The following FBXL20 variants were observed in gnomAD, a reference collection of about 807,000 sequenced individuals.
The protein encoded by FBXL20 is F-box and leucine rich repeat protein 20, also known as F-box/LRR-repeat protein 20.
In FBXL20, 11 loss-of-function variants were observed where a neutral mutation model predicts 64.0. The ratio of observed to expected loss-of-function variants is 0.17; its 90% CI spans 0.11 to 0.28. FBXL20 has a LOEUF of 0.28. Ranked by LOEUF, FBXL20 falls within the 10% of genes least tolerant of loss-of-function variation. FBXL20 has a pLI of 1.00. For missense variants in FBXL20, 303 were observed against 526.2 expected, an observed-to-expected ratio of 0.58 and a Z score of 4.15; for synonymous variants, 184 against 189.0, an observed-to-expected ratio of 0.97 and a Z score of 0.22.
intron 1 of FBXL20, among the ~76,000 whole-genome samples, chr17:39,349,792 C>T (rs1033686401): frequency 6.6e-6 from 1 of 151,896 alleles, no homozygotes; most frequent in Non-Finnish European, 1.5e-5. Flanking sequence ...AAAAATTAGC[C>T]GGGCATGGTG....
At chr17:39,289,933 A>G (rs1401352158) in intron 6 of FBXL20, among the ~76,000 whole-genome samples, 1 of 129,710 alleles carries the variant, frequency 7.7e-6, no homozygotes, top group East Asian at 2.7e-4. Flanking sequence ...TGGGAGGCAG[A>G]GGTTGCAGTT....
rs973580442 is a variant in FBXL20 at position 39,308,717 on chromosome 17, C to G, written c.105-5078G>C. The stretch of plus-strand genomic sequence containing the variant: ...GTAGCTGGCACTACAGGCGCCGAAC[C>G]ACCACGCCCGGCTAATTTTTTGTAT... On this transcript the variant is annotated intron_variant, in intron 2 of 14. Transcript: ENST00000264658. 2.0e-5 allele frequency among the ~76,000 whole-genome samples: 3 copies of G among 151,760 alleles called. No homozygotes were observed. In the South Asian group the frequency reaches 6.3e-4, roughly 32 times the overall value.
At chr17:39,303,408 T>A (rs545057817) in intron 3 of FBXL20, among the ~76,000 whole-genome samples, 177 bp downstream of exon 3, 5 of 152,296 alleles carry the variant, frequency 3.3e-5, no homozygotes, top group Non-Finnish European at 7.3e-5. Context: ...AGACAGTATA[T>A]ATAGTAGAAT....
intron 1 of FBXL20, among the ~76,000 whole-genome samples, chr17:39,360,145 G>C (rs902446773): frequency 1.3e-5 from 2 of 152,102 alleles, no homozygotes; most frequent in Non-Finnish European, 2.9e-5. Context: ...GAATAAACCA[G>C]TCACAAAAGT....
Position 39,303,560 on chromosome 17 carries a change from C to G in FBXL20, c.159+25G>C, listed in dbSNP as rs146094931. 1,757 of 1,598,950 alleles carry G rather than the reference C, an allele frequency of 1.1e-3. 25 individuals carry two copies. In the African/African-American group the frequency reaches 0.022, roughly 20 times the overall value. On this transcript the variant is annotated intron_variant, in intron 3 of 14. Coordinates refer to ENST00000264658, the MANE Select transcript of FBXL20 (RefSeq NM_032875.3). ...TCATCAGTATGAAGAAGGGGTCCCC[C>G]TGTAACTATGCCAACAATACTTACC...
chr17:39,308,589 G>A (rs2047204543), intron 2 of FBXL20, among the ~76,000 whole-genome samples: 1 of 150,322 alleles, frequency 6.7e-6, no homozygotes, highest in Admixed American at 6.6e-5. Flanking sequence ...TTTTGAGACG[G>A]AGTCTTGCTC....
intron 1 of FBXL20, among the ~76,000 whole-genome samples, chr17:39,363,362 C>T (rs2047818830): frequency 6.6e-6 from 1 of 151,678 alleles, no homozygotes; most frequent in Non-Finnish European, 1.5e-5. Flanking sequence ...CCCTATGTTG[C>T]CCAGGCTGGT....
chr17:39,303,497 A>T, intron 3 of FBXL20, 88 bp downstream of exon 3: 1 of 1,077,354 alleles, frequency 9.3e-7, no homozygotes, highest in Non-Finnish European at 1.3e-6. Context: ...TACAAGTAAC[A>T]CCTAAAATAA....
chr17:39,370,262 G>A (rs555092853), intron 1 of FBXL20, among the ~76,000 whole-genome samples: 8 of 151,538 alleles, frequency 5.3e-5, no homozygotes, highest in Middle Eastern at 3.4e-3. Context: ...AGGCCGGGGC[G>A]GGCGGATCAT....
chr17:39,321,797 A>AC (rs1450015005), intron 2 of FBXL20, among the ~76,000 whole-genome samples: 2 of 151,616 alleles, frequency 1.3e-5, no homozygotes, highest in Non-Finnish European at 2.9e-5. Context: ...AAAAAAAAAA[A>AC]CAAAAATAAC....
rs574363844 is a variant in FBXL20 at position 39,398,838 on chromosome 17, C to T, written c.42+2523G>A. ...TACAGGTGCCCACTACCACGCCCGG[C>T]TAATTTTTGTATTTTTAGTAGAGAC... On this transcript the variant is annotated intron_variant, in intron 1 of 14. Coordinates refer to ENST00000264658, the MANE Select transcript of FBXL20 (RefSeq NM_032875.3). Among the ~76,000 whole-genome samples, 6 of 152,206 alleles carry T rather than the reference C, an allele frequency of 3.9e-5. No homozygotes were observed. In the South Asian group the frequency reaches 6.2e-4, roughly 16 times the overall value.
intron 2 of FBXL20, among the ~76,000 whole-genome samples, chr17:39,329,608 T>C (rs568241187): frequency 6.6e-6 from 1 of 152,284 alleles, no homozygotes; most frequent in South Asian, 2.1e-4. Context: ...GATATATATG[T>C]ATATATAATG....
chr17:39,357,174 G>A (rs1430834614), intron 1 of FBXL20, among the ~76,000 whole-genome samples: 3 of 151,112 alleles, frequency 2.0e-5, no homozygotes, highest in African/African-American at 7.3e-5. Flanking sequence ...TTGGGAGGCT[G>A]AGGCAGGAGA....
chr17:39,330,479 T>C (rs1292436131), intron 2 of FBXL20, among the ~76,000 whole-genome samples: 2 of 151,886 alleles, frequency 1.3e-5, no homozygotes, highest in Non-Finnish European at 2.9e-5. Context: ...CCGGACATAG[T>C]GGCGTGTGTC....
chr17:39,301,790 G>T (rs567075454), intron 3 of FBXL20, among the ~76,000 whole-genome samples: 1 of 151,948 alleles, frequency 6.6e-6, no homozygotes, highest in Non-Finnish European at 1.5e-5. Flanking sequence ...CCAGCTATTC[G>T]GGAGGCTGAG....
At chr17:39,337,597 G>A (rs1315723179) in intron 2 of FBXL20, among the ~76,000 whole-genome samples, 15 of 132,388 alleles carry the variant, frequency 1.1e-4, no homozygotes, top group African/African-American at 3.2e-4. Context: ...GCCCGGCCGC[G>A]ACCCCGTCTG....
chr17:39,322,835 C>T lies in FBXL20; in HGVS notation c.105-19196G>A, dbSNP rs189009617. On this transcript the variant is annotated intron_variant, in intron 2 of 14. Coordinates refer to ENST00000264658, the MANE Select transcript of FBXL20 (RefSeq NM_032875.3). ...TTTTTTATTTTTTGAGACAGAGTCT[C>T]GCTCTGTCATCCAGGCTGGAGTGCA... is the stretch of plus-strand genomic sequence containing the variant. Among the ~76,000 whole-genome samples the T allele has an allele frequency of 4.0e-3, 603 of 152,224 alleles. 6 individuals carry two copies. Among genetic ancestry groups the T allele is most frequent in the African/African-American group, 0.014 (576 of 41,542 alleles).
chr17:39,358,894 C>T (rs1175938779), intron 1 of FBXL20, among the ~76,000 whole-genome samples: 1 of 152,108 alleles, frequency 6.6e-6, no homozygotes, highest in Non-Finnish European at 1.5e-5. Context: ...GGGCAAAAGG[C>T]TTGAATATTC....
intron 1 of FBXL20, among the ~76,000 whole-genome samples, chr17:39,355,916 CTA>C (rs947277562): frequency 6.7e-6 from 1 of 149,762 alleles, no homozygotes; most frequent in Admixed American, 6.7e-5. Context: ...AAATTTTCTC[CTA>C]TGTTTTAAAA....
Sources: gnomAD v4.1 joint callset for allele counts (sites outside exome capture counted in the v4.1 genomes callset) on GRCh38, gnomAD v4.1.1 for gene constraint, MANE v1.5 for transcripts, NCBI Gene and HGNC (gene_info 2026-07-23, HGNC 2026-07-21) for gene names.